Variants in ZNF362 observed in about 807,000 individuals in gnomAD.
ZNF362 encodes the protein rotund homolog.
Under a neutral mutation model 42.9 loss-of-function variants are expected in ZNF362, and 11 were observed. That is an observed-to-expected ratio of 0.26 (90% confidence interval 0.16 to 0.42). The LOEUF (loss-of-function observed/expected upper bound fraction) is 0.42, where lower values mean the gene tolerates loss of function less well. Ranked by LOEUF, ZNF362 falls within the 20% of genes least tolerant of loss-of-function variation. The pLI, the probability that ZNF362 is intolerant of heterozygous loss-of-function variation, is 1.00. For missense variants in ZNF362, 362 were observed against 576.2 expected (o/e 0.63, Z 3.81); for synonymous variants, 255 against 257.3 (o/e 0.99, Z 0.09).
At chr1:33,140,916 G>A in the ZNF362 span, among the ~76,000 whole-genome samples, 7 of 152,200 alleles carry the variant, frequency 4.6e-5, no homozygotes, top group Non-Finnish European at 1.0e-4. This position sits in a 1 kb window ranked among gnomAD's most constrained non-coding sequence, Gnocchi z 4.0. Flanking sequence ...GGGGGTAGGA[G>A]GAGACACCAG....
chr1:33,134,073 C>T, the ZNF362 span, among the ~76,000 whole-genome samples: 3 of 152,184 alleles, frequency 2.0e-5, no homozygotes, highest in African/African-American at 7.2e-5. Flanking sequence ...AACCCAGATC[C>T]GCATGTTGCC....
chr1:33,147,455 G>A, the ZNF362 span: 7 of 1,613,890 alleles, frequency 4.3e-6, no homozygotes, highest in East Asian at 4.5e-5. The surrounding 1 kb of genome is among the most constrained non-coding windows in gnomAD (Gnocchi z 8.1). Context: ...TAGAAGCCGC[G>A]GCTGGGCTGG....
chr1:33,226,592 C>T, the ZNF362 span, among the ~76,000 whole-genome samples: 1 of 152,180 alleles, frequency 6.6e-6, no homozygotes, highest in African/African-American at 2.4e-5. Context: ...AGGCCGGGCG[C>T]CATGGCTCAC....
At chr1:33,158,368 C>T in the ZNF362 span, 1 of 1,613,130 alleles carries the variant, frequency 6.2e-7, no homozygotes, top group Non-Finnish European at 8.5e-7. Context: ...TTCCCTTGAG[C>T]CTGGAAGGAG....
At chr1:33,263,031 C>T (rs973335471) in intron 1 of ZNF362, among the ~76,000 whole-genome samples, 1 of 152,258 alleles carries the variant, frequency 6.6e-6, no homozygotes, top group Non-Finnish European at 1.5e-5. Context: ...TTCTCCCACA[C>T]GCATGGTGTT....
chr1:33,274,696 T>G (rs1645930002), intron 2 of ZNF362, among the ~76,000 whole-genome samples: 1 of 152,166 alleles, frequency 6.6e-6, no homozygotes, highest in African/African-American at 2.4e-5. Context: ...CATATGGGCA[T>G]TTGCTCTTCC....
the ZNF362 span, among the ~76,000 whole-genome samples, chr1:33,127,869 A>G: frequency 6.6e-6 from 1 of 152,096 alleles, no homozygotes; most frequent in South Asian, 2.1e-4. Flanking sequence ...CTTCACTCGC[A>G]TTATTCAATT....
chr1:33,264,653 C>G (rs1306649544), intron 1 of ZNF362, among the ~76,000 whole-genome samples: 1 of 152,050 alleles, frequency 6.6e-6, no homozygotes, highest in Non-Finnish European at 1.5e-5. Flanking sequence ...GTCCAGGAGC[C>G]CAGACTATGA....
At chr1:33,213,277 A>G in the ZNF362 span, among the ~76,000 whole-genome samples, 1 of 152,300 alleles carries the variant, frequency 6.6e-6, no homozygotes, top group Middle Eastern at 3.4e-3. Context: ...TACAGGCATG[A>G]GCCACTACGC....
chr1:33,280,898 G>T lies in ZNF362; in HGVS notation c.683+441G>T, dbSNP rs1205547887. 6.6e-6 allele frequency among the ~76,000 whole-genome samples: 1 copy of T among 152,100 alleles called. No homozygotes were observed. The highest frequency in any genetic ancestry group is 1.5e-5 in the Non-Finnish European group (1 of 68,016). ...AGCCTGGCCAGCATGGTGAAACCTC[G>T]TCTCTACAAAAAATACAAAAGTTAG... On this transcript the variant is annotated intron_variant, in intron 5 of 8. Coordinates refer to ENST00000539719, the MANE Select transcript of ZNF362 (RefSeq NM_152493.3). This position sits in a 1 kb window ranked among gnomAD's most constrained non-coding sequence, Gnocchi z 5.6.
At chr1:33,298,027 T>G (rs1646137868) in intron 8 of ZNF362, among the ~76,000 whole-genome samples, 1 of 152,236 alleles carries the variant, frequency 6.6e-6, no homozygotes, top group African/African-American at 2.4e-5. Context: ...TGCTGGGTTC[T>G]GAGCATATTG....
the ZNF362 span, among the ~76,000 whole-genome samples, chr1:33,138,033 C>T: frequency 2.1e-4 from 32 of 152,240 alleles, no homozygotes; most frequent in South Asian, 6.6e-3. Context: ...TGCAGGGGGA[C>T]TGCATAACCA....
the ZNF362 span, among the ~76,000 whole-genome samples, chr1:33,250,573 A>G: frequency 6.6e-6 from 1 of 152,078 alleles, no homozygotes; most frequent in Non-Finnish European, 1.5e-5. Flanking sequence ...AGCAACACAT[A>G]CTGGGGCCTA....
chr1:33,223,910 A>AG, the ZNF362 span, among the ~76,000 whole-genome samples: 1 of 149,116 alleles, frequency 6.7e-6, no homozygotes, highest in Non-Finnish European at 1.5e-5. Flanking sequence ...AAAAAAAAAA[A>AG]GAAAAAAGAG....
the ZNF362 span, among the ~76,000 whole-genome samples, chr1:33,234,160 G>A: frequency 1.3e-5 from 2 of 152,106 alleles, no homozygotes; most frequent in Non-Finnish European, 2.9e-5. Flanking sequence ...GTACTGATGT[G>A]GCCTAAAGTC....
the ZNF362 span, among the ~76,000 whole-genome samples, chr1:33,141,487 C>T: frequency 6.6e-6 from 1 of 152,176 alleles, no homozygotes; most frequent in Non-Finnish European, 1.5e-5. Flanking sequence ...CACTCAGACC[C>T]TTCCAGCATT....
chr1:33,147,844 T>C, the ZNF362 span: 1 of 1,156,692 alleles, frequency 8.6e-7, no homozygotes, highest in Non-Finnish European at 1.2e-6. The surrounding 1 kb of genome is among the most constrained non-coding windows in gnomAD (Gnocchi z 8.1). Flanking sequence ...TGACCTGCTG[T>C]GTGACCTTGA....
the ZNF362 span, chr1:33,158,293 C>T: frequency 2.5e-6 from 4 of 1,614,070 alleles, no homozygotes; most frequent in Non-Finnish European, 3.4e-6. Flanking sequence ...AGATGGTGTA[C>T]TGCAGGGGGC....
the ZNF362 span, chr1:33,147,527 TCTC>T: frequency 6.2e-7 from 1 of 1,613,842 alleles, no homozygotes; most frequent in Non-Finnish European, 8.5e-7. This position sits in a 1 kb window ranked among gnomAD's most constrained non-coding sequence, Gnocchi z 8.1. Context: ...CACTGGGTCT[TCTC>T]CGCCACCACC....
Sources: allele counts gnomAD v4.1 joint callset (sites outside exome capture counted in the v4.1 genomes callset), GRCh38; gene constraint gnomAD v4.1.1; non-coding constraint Gnocchi (gnomAD v3.1); transcripts MANE v1.5; gene names NCBI Gene and HGNC (gene_info 2026-07-23, HGNC 2026-07-21).